The following EIPR1 variants were observed in gnomAD, a reference collection of about 807,000 sequenced individuals.
The protein encoded by EIPR1 is EARP complex and GARP complex interacting protein 1, also known as EARP and GARP complex-interacting protein 1.
Under a neutral mutation model 48.1 loss-of-function variants are expected in EIPR1, and 25 were observed. The ratio of observed to expected loss-of-function variants is 0.52; its 90% CI spans 0.38 to 0.73. The LOEUF is 0.73. Among genes scored for constraint, EIPR1 ranks in the 30% least tolerant of loss-of-function variants. EIPR1 has a pLI of 0.00. For missense variants in EIPR1, 415 were observed against 506.2 expected, an observed-to-expected ratio of 0.82 and a Z score of 1.73; for synonymous variants, 204 against 201.9, an observed-to-expected ratio of 1.01 and a Z score of -0.09.
In EIPR1 at chr2:3,341,517, CGGGTGT is replaced by C. The variant is rs1211722307; in HGVS notation, c.127-3374_127-3369del. ...TACGTGGTCTATGCATGTATGTGTG[CGGGTGT>C]GGGTGTGGGGGAGGTGCAGCTGTGT... On this transcript the variant is annotated intron_variant, in intron 2 of 8. Coordinates refer to ENST00000382125, the MANE Select transcript of EIPR1 (RefSeq NM_003310.5). Among the ~76,000 whole-genome samples, 26 of 150,220 alleles carry C rather than the reference CGGGTGT, an allele frequency of 1.7e-4. No individual in the cohort carries two copies. In the East Asian group the frequency reaches 2.1e-3, roughly 12 times the overall value.
chr2:3,258,918 T>TTTTATTTATTTA (rs566605791), intron 3 of EIPR1, among the ~76,000 whole-genome samples: 15 of 152,088 alleles, frequency 9.9e-5, no homozygotes, highest in African/African-American at 3.6e-4. Context: ...TACAAGGGAA[T>TTTTATTTATTTA]TTTATTTATT....
intron 3 of EIPR1, among the ~76,000 whole-genome samples, chr2:3,299,173 C>T (rs1222389060): frequency 3.3e-5 from 5 of 152,222 alleles, no homozygotes; most frequent in Non-Finnish European, 7.3e-5. Flanking sequence ...CAAGTCCTAG[C>T]TGTTGCTGAG....
intron 2 of EIPR1, among the ~76,000 whole-genome samples, chr2:3,343,806 G>C (rs572724897): frequency 1.3e-5 from 2 of 152,120 alleles, no homozygotes; most frequent in South Asian, 2.1e-4. Context: ...ACCGAGTACA[G>C]AGCTGCAGGG....
intron 4 of EIPR1, among the ~76,000 whole-genome samples, chr2:3,217,442 A>G (rs1292238098): frequency 6.6e-6 from 1 of 152,234 alleles, no homozygotes; most frequent in African/African-American, 2.4e-5. Flanking sequence ...TTCAATAAAC[A>G]TAGGTACTTC....
chr2:3,212,559 T>G (rs942866941), intron 5 of EIPR1, among the ~76,000 whole-genome samples: 4 of 152,172 alleles, frequency 2.6e-5, no homozygotes, highest in African/African-American at 9.7e-5. Context: ...TTCCTCCTTC[T>G]TCCTGGAGGT....
intron 2 of EIPR1, among the ~76,000 whole-genome samples, chr2:3,347,071 C>G (rs1299418994): frequency 1.3e-5 from 2 of 152,194 alleles, no homozygotes; most frequent in Non-Finnish European, 2.9e-5. Context: ...CTCCCGCCCT[C>G]GCCATGTGAT....
intron 4 of EIPR1, among the ~76,000 whole-genome samples, chr2:3,240,157 T>TCCTTCCTAAAGCAAAGCCAGCAGAC (rs1666554831): frequency 2.8e-4 from 7 of 25,170 alleles, no homozygotes; most frequent in Admixed American, 9.3e-4. Flanking sequence ...AGCCAGCAGA[T>TCCTTCCTAAAGCAAAGCCAGCAGAC]CCTTCCTAAA....
intron 3 of EIPR1, among the ~76,000 whole-genome samples, chr2:3,336,361 C>A (rs1397132687): frequency 6.6e-6 from 1 of 152,184 alleles, no homozygotes; most frequent in Non-Finnish European, 1.5e-5. Flanking sequence ...GGCTCTCGGA[C>A]CCCCAACCTC....
At chr2:3,362,408 T>C (rs1210437046) in intron 1 of EIPR1, among the ~76,000 whole-genome samples, 1 of 150,486 alleles carries the variant, frequency 6.6e-6, no homozygotes, top group Non-Finnish European at 1.5e-5. Context: ...CCCCATTCGG[T>C]GCTTAAATTA....
intron 3 of EIPR1, among the ~76,000 whole-genome samples, chr2:3,278,433 A>C (rs62121492): frequency 0.03 from 4,553 of 152,208 alleles, 86 homozygotes; most frequent in Non-Finnish European, 0.046. Flanking sequence ...GCCCTCTGAG[A>C]GAGTACCCTC....
At chr2:3,214,381 C>T in intron 4 of EIPR1, 133 bp from the exon 5 acceptor site, 9 of 736,974 alleles carry the variant, frequency 1.2e-5, no homozygotes, top group South Asian at 1.1e-4. Context: ...GTATTTTTTA[C>T]ACTGTCACCC....
intron 3 of EIPR1, among the ~76,000 whole-genome samples, chr2:3,290,378 G>T (rs1182618212): frequency 6.6e-6 from 1 of 152,198 alleles, no homozygotes; most frequent in Non-Finnish European, 1.5e-5. Context: ...CCTTTTTAAA[G>T]ATGTTATTTT....
intron 3 of EIPR1, among the ~76,000 whole-genome samples, chr2:3,304,910 G>A (rs80069848): frequency 0.14 from 15,315 of 111,230 alleles, 2,199 homozygotes; most frequent in Non-Finnish European, 0.18. Context: ...CTCCAATCCC[G>A]TCCAGTTCAA....
At chr2:3,290,106 C>G (rs532957474) in intron 3 of EIPR1, among the ~76,000 whole-genome samples, 1 of 152,354 alleles carries the variant, frequency 6.6e-6, no homozygotes, top group South Asian at 2.1e-4. Flanking sequence ...TGTCTGTCCC[C>G]CATCAAGCCT....
chr2:3,206,382 C>T (rs575247185), intron 5 of EIPR1, among the ~76,000 whole-genome samples: 5 of 152,336 alleles, frequency 3.3e-5, no homozygotes, highest in East Asian at 3.9e-4. Context: ...CAGGCTCCCA[C>T]ACACCACCAA....
chr2:3,234,769 A>G (rs6548132), intron 4 of EIPR1, among the ~76,000 whole-genome samples: 139,247 of 152,308 alleles, frequency 0.91, 64,150 homozygotes, highest in East Asian at 0.98. Flanking sequence ...CTGCCCTTGC[A>G]CTGGAAGATG....
chr2:3,202,163 T>G (rs1183100389), intron 5 of EIPR1, among the ~76,000 whole-genome samples: 1 of 152,194 alleles, frequency 6.6e-6, no homozygotes, highest in Non-Finnish European at 1.5e-5. Context: ...GGTCTCGATC[T>G]TCTGACCTTG....
chr2:3,304,321 C>A lies in EIPR1; in HGVS notation c.259+33696G>T, dbSNP rs556717421. On this transcript the variant is annotated intron_variant, in intron 3 of 8. Coordinates refer to ENST00000382125, the MANE Select transcript of EIPR1 (RefSeq NM_003310.5). ...GCGTTTCTCAGAATCACCCAGGCAACCTCATCAGAAGACATGGTTCTGCTC... is the reference window on the plus strand; with the variant it reads ...GCGTTTCTCAGAATCACCCAGGCAAACTCATCAGAAGACATGGTTCTGCTC... Among the ~76,000 whole-genome samples the A allele has an allele frequency of 2.0e-5, 3 of 152,338 alleles. No homozygotes were observed. The South Asian group carries it at 6.2e-4, about 32-fold the overall frequency.
At chr2:3,270,053 C>G (rs565153178) in intron 3 of EIPR1, among the ~76,000 whole-genome samples, 1 of 152,352 alleles carries the variant, frequency 6.6e-6, no homozygotes, top group South Asian at 2.1e-4. Flanking sequence ...AAACTCTGAG[C>G]AGGACACTTG....
Sources: gnomAD v4.1 joint callset for allele counts (sites outside exome capture counted in the v4.1 genomes callset) on GRCh38, gnomAD v4.1.1 for gene constraint, MANE v1.5 for transcripts, NCBI Gene and HGNC (gene_info 2026-07-23, HGNC 2026-07-21) for gene names.